The following LCLAT1 variants were observed in gnomAD, a reference collection of about 807,000 sequenced individuals.
LCLAT1 encodes the protein lysocardiolipin acyltransferase 1, also known as 1-AGP acyltransferase 8.
A neutral mutation model predicts 30.7 loss-of-function variants in LCLAT1; 11 were observed. The ratio of observed to expected loss-of-function variants is 0.36; its 90% CI spans 0.23 to 0.59. LCLAT1 has a LOEUF of 0.59. Among genes scored for constraint, LCLAT1 ranks in the 20% least tolerant of loss-of-function variants. LCLAT1 has a pLI of 0.77. For missense variants in LCLAT1, 402 were observed against 458.6 expected (o/e 0.88, Z 1.13); for synonymous variants, 155 against 151.3 (o/e 1.02, Z -0.18).
chr2:30,538,057 A>C (rs540900383), intron 3 of LCLAT1, among the ~76,000 whole-genome samples: 103 of 152,282 alleles, frequency 6.8e-4, no homozygotes, highest in Non-Finnish European at 1.4e-3. Flanking sequence ...ACACACCGAA[A>C]CCTATAGGAT....
chr2:30,573,207 G>T (rs1665859874), intron 5 of LCLAT1, among the ~76,000 whole-genome samples: 1 of 152,194 alleles, frequency 6.6e-6, no homozygotes, highest in South Asian at 2.1e-4. Context: ...CCCAAACAAG[G>T]CCTTTTGATT....
intron 4 of LCLAT1, 80 bp downstream of exon 4, chr2:30,562,372 A>T: frequency 8.7e-7 from 1 of 1,153,910 alleles, no homozygotes; most frequent in Admixed American, 2.1e-5. Context: ...ACTGAACACC[A>T]ACAAGAATAA....
chr2:30,639,945 G>A (rs1187806629), intron 5 of LCLAT1, among the ~76,000 whole-genome samples, 172 bp from the exon 6 acceptor site: 1 of 151,818 alleles, frequency 6.6e-6, no homozygotes, highest in East Asian at 1.9e-4. Flanking sequence ...AAGATGACTG[G>A]TAAATATTGA....
chr2:30,574,279 T>C (rs1665904693), intron 5 of LCLAT1, among the ~76,000 whole-genome samples: 1 of 152,176 alleles, frequency 6.6e-6, no homozygotes, highest in East Asian at 1.9e-4. Context: ...TACATTTCTT[T>C]ATAATGTGAG....
At chr2:30,497,040 A>T (rs1684153294) in intron 1 of LCLAT1, among the ~76,000 whole-genome samples, 1 of 152,174 alleles carries the variant, frequency 6.6e-6, no homozygotes, top group Admixed American at 6.5e-5. Flanking sequence ...GTTTCATGAG[A>T]CTTCTGTGAT....
chr2:30,505,410 G>A (rs917950120), intron 1 of LCLAT1, among the ~76,000 whole-genome samples: 1 of 150,824 alleles, frequency 6.6e-6, no homozygotes, highest in Non-Finnish European at 1.5e-5. Context: ...CTTGAAAATA[G>A]TGAAGTCGAA....
chr2:30,618,135 C>T (rs977845609), intron 5 of LCLAT1, among the ~76,000 whole-genome samples: 1 of 152,146 alleles, frequency 6.6e-6, no homozygotes, highest in African/African-American at 2.4e-5. Context: ...ATGTCTAACT[C>T]TCCTCCAGTA....
intron 1 of LCLAT1, among the ~76,000 whole-genome samples, chr2:30,472,588 A>T (rs1682853497): frequency 6.6e-6 from 1 of 152,216 alleles, no homozygotes; most frequent in South Asian, 2.1e-4. Context: ...AATGCACATT[A>T]TTCTTGCATT....
At chr2:30,518,308 A>G (rs1202557152) in intron 1 of LCLAT1, among the ~76,000 whole-genome samples, 2 of 152,210 alleles carry the variant, frequency 1.3e-5, no homozygotes. Context: ...AGGACAATAA[A>G]TAGTTCCTCC....
chr2:30,450,909 A>T (rs1036941), intron 1 of LCLAT1, among the ~76,000 whole-genome samples: 14,421 of 152,262 alleles, frequency 0.095, 717 homozygotes, highest in East Asian at 0.12. Context: ...GACACCACTA[A>T]GAAAATGAAG....
rs115697554 is a variant in LCLAT1 at position 30,623,451 on chromosome 2, A to T, written c.629-16666A>T. ...ACAACTTCTGGAAATGGACACACTT[A>T]GAGAAATGCATAGTACACTGGAAAG... On this transcript the variant is annotated intron_variant, in intron 5 of 5. Transcript: ENST00000379509. Among the ~76,000 whole-genome samples, 1,177 of 152,320 alleles carry T rather than the reference A, an allele frequency of 7.7e-3. 17 individuals carry two copies. Among genetic ancestry groups the T allele is most frequent in the African/African-American group, 0.027 (1,114 of 41,558 alleles).
chr2:30,543,539 A>C (rs538671430), intron 3 of LCLAT1, among the ~76,000 whole-genome samples: 3 of 152,268 alleles, frequency 2.0e-5, no homozygotes, highest in Non-Finnish European at 4.4e-5. Context: ...GGAATTCACC[A>C]GTGAAGCCAT....
At chr2:30,501,480 C>G (rs937113903) in intron 1 of LCLAT1, among the ~76,000 whole-genome samples, 3 of 151,418 alleles carry the variant, frequency 2.0e-5, no homozygotes, top group African/African-American at 7.3e-5. Context: ...GTGCGGTGGT[C>G]AACATGGTGA....
intron 5 of LCLAT1, 35 bp from the exon 6 acceptor site, chr2:30,640,082 T>C: frequency 1.3e-6 from 2 of 1,554,818 alleles, no homozygotes; most frequent in Non-Finnish European, 1.7e-6. Context: ...AATTGAGCAC[T>C]GCTTAATCTA....
intron 1 of LCLAT1, among the ~76,000 whole-genome samples, chr2:30,463,180 T>G (rs746284228): frequency 2.5e-4 from 38 of 152,052 alleles, no homozygotes; most frequent in Non-Finnish European, 5.2e-4. Context: ...GAAGAACAGA[T>G]CAGAATTACA....
intron 1 of LCLAT1, among the ~76,000 whole-genome samples, chr2:30,461,314 A>C (rs1304363876): frequency 2.6e-5 from 4 of 152,198 alleles, no homozygotes; most frequent in Admixed American, 2.6e-4. Flanking sequence ...TTTGACAGGC[A>C]TTGTGGTATG....
chr2:30,459,571 A>G (rs770897044), intron 1 of LCLAT1: 2 of 1,344,758 alleles, frequency 1.5e-6, no homozygotes, highest in African/African-American at 1.4e-5. Context: ...CAGAGTGGGT[A>G]CTCTCTTCTG....
chr2:30,479,306 T>G (rs1002083710), intron 1 of LCLAT1, among the ~76,000 whole-genome samples: 1 of 152,060 alleles, frequency 6.6e-6, no homozygotes, highest in African/African-American at 2.4e-5. Flanking sequence ...CATAGCTCTC[T>G]GCAGCTTCCA....
At chr2:30,611,470 C>T (rs946306889) in intron 5 of LCLAT1, among the ~76,000 whole-genome samples, 15 of 152,050 alleles carry the variant, frequency 9.9e-5, no homozygotes, top group African/African-American at 3.1e-4. Context: ...TCTGAGGTCC[C>T]ATTTCCAGCC....
Sources: allele counts gnomAD v4.1 joint callset (sites outside exome capture counted in the v4.1 genomes callset), GRCh38; gene constraint gnomAD v4.1.1; transcripts MANE v1.5; gene names NCBI Gene and HGNC (gene_info 2026-07-23, HGNC 2026-07-21).